OSBPL8: variants seen among roughly 807,000 people sequenced by gnomAD.
The protein encoded by OSBPL8 is oxysterol-binding protein-related protein 8.
A neutral mutation model predicts 125.5 loss-of-function variants in OSBPL8; 59 were observed. The ratio of observed to expected loss-of-function variants is 0.47; its 90% CI spans 0.38 to 0.58. The LOEUF is 0.58. Among genes scored for constraint, OSBPL8 ranks in the 20% least tolerant of loss-of-function variants. The pLI is 0.00. For synonymous variants in OSBPL8, 330 were observed against 338.9 expected, an observed-to-expected ratio of 0.97 and a Z score of 0.29; for missense variants, 758 against 1,047.8, an observed-to-expected ratio of 0.72 and a Z score of 3.82.
At chr12:76,444,674 C>A (rs1872558530) in intron 4 of OSBPL8, among the ~76,000 whole-genome samples, 1 of 152,172 alleles carries the variant, frequency 6.6e-6, no homozygotes, top group Non-Finnish European at 1.5e-5. Context: ...CTCTCAATTG[C>A]TGGTTTCCAC....
intron 1 of OSBPL8, among the ~76,000 whole-genome samples, chr12:76,508,042 G>A (rs1251325193): frequency 6.6e-6 from 1 of 151,548 alleles, no homozygotes; most frequent in African/African-American, 2.4e-5. Flanking sequence ...ATGGTGGCAG[G>A]TGCCTGTTAT....
chr12:76,439,543 T>C (rs926619035), intron 4 of OSBPL8, among the ~76,000 whole-genome samples: 1 of 152,140 alleles, frequency 6.6e-6, no homozygotes, highest in Non-Finnish European at 1.5e-5. Flanking sequence ...GAGAGTGTTT[T>C]TATAATCAAT....
At chr12:76,445,929 A>G (rs939165366) in intron 4 of OSBPL8, among the ~76,000 whole-genome samples, 1 of 152,194 alleles carries the variant, frequency 6.6e-6, no homozygotes, top group African/African-American at 2.4e-5. Flanking sequence ...AAAGTTTGAA[A>G]AATTTGAACC....
At position 76,386,324 on chromosome 12, in the gene OSBPL8, TTAAAC is replaced by T. The variant is rs528634769; in HGVS notation, c.1435-63_1435-59del. ...ACAAATACAAAGGATTCAAAATAGT[TTAAAC>T]TAGTCAAAATGGGTTTAACTCTACC... On this transcript the variant is annotated intron_variant, in intron 13 of 23. Transcript: ENST00000261183. The T allele has an allele frequency of 5.6e-5, 86 of 1,539,680 alleles. No homozygotes were observed. The African/African-American group carries it at 9.8e-4, about 18-fold the overall frequency.
At chr12:76,465,536 G>T (rs1875310643) in intron 2 of OSBPL8, among the ~76,000 whole-genome samples, 1 of 151,556 alleles carries the variant, frequency 6.6e-6, no homozygotes, top group Non-Finnish European at 1.5e-5. Context: ...CTCCAGCCTG[G>T]GCGACAGAGC....
chr12:76,539,629 C>A (rs1233086745), intron 1 of OSBPL8, among the ~76,000 whole-genome samples: 2 of 152,178 alleles, frequency 1.3e-5, no homozygotes, highest in African/African-American at 4.8e-5. Context: ...CCCAAACACT[C>A]TTCAAAGACT....
intron 1 of OSBPL8, among the ~76,000 whole-genome samples, chr12:76,538,335 A>C (rs1950553858): frequency 6.6e-6 from 1 of 152,222 alleles, no homozygotes; most frequent in Non-Finnish European, 1.5e-5. Flanking sequence ...TATATTCACT[A>C]AAAGTATATA....
intron 1 of OSBPL8, among the ~76,000 whole-genome samples, chr12:76,518,521 C>T (rs1339121375): frequency 1.3e-5 from 2 of 152,152 alleles, no homozygotes; most frequent in Non-Finnish European, 2.9e-5. Context: ...CTAGGCAGTG[C>T]CCTAGAGGGG....
intron 1 of OSBPL8, among the ~76,000 whole-genome samples, chr12:76,558,691 GTGT>G (rs1038876083): frequency 5.9e-5 from 9 of 152,226 alleles, no homozygotes; most frequent in Non-Finnish European, 7.3e-5. Context: ...ATAAAGAAGA[GTGT>G]TAAATGACTT....
At chr12:76,477,569 C>T (rs1021748491) in intron 2 of OSBPL8, among the ~76,000 whole-genome samples, 13 of 151,968 alleles carry the variant, frequency 8.6e-5, no homozygotes, top group African/African-American at 2.7e-4. Flanking sequence ...GTCTGACACA[C>T]GGTCATAATC....
intron 2 of OSBPL8, among the ~76,000 whole-genome samples, chr12:76,476,110 G>A (rs1001249095): frequency 1.2e-4 from 18 of 152,062 alleles, no homozygotes; most frequent in African/African-American, 4.3e-4. Flanking sequence ...AAGCAACTGG[G>A]GAAATGAGGT....
At chr12:76,503,621 C>A (rs987292963) in intron 1 of OSBPL8, among the ~76,000 whole-genome samples, 4 of 152,178 alleles carry the variant, frequency 2.6e-5, no homozygotes, top group African/African-American at 9.7e-5. Context: ...TCACTGCAAG[C>A]TCCGCCTCCT....
intron 1 of OSBPL8, chr12:76,537,100 T>C (rs1342218687): frequency 2.0e-5 from 3 of 152,472 alleles, no homozygotes; most frequent in Non-Finnish European, 4.4e-5. Context: ...AAGCAACATA[T>C]GGACTTGCTG....
rs114038688 is a variant in OSBPL8, at chr12:76,399,726, G to A, written c.468+147C>T. 1.1e-3 allele frequency: 584 copies of A among 539,876 alleles called. 2 individuals are homozygous for A. The highest frequency in any genetic ancestry group is 0.011 in the African/African-American group (549 of 51,730). The allele number at this position is 539,876 out of a possible 1,614,324, so 33.4% of individuals were successfully genotyped here. A position where few individuals can be genotyped will look rare whatever the true frequency, so the allele number is the denominator to read the frequency against. ...ATTAAGATGGGAACACAGAACCTCC[G>A]GGAATACAATAATAGTTTCTTTGCC... On this transcript the variant is annotated intron_variant, in intron 7 of 23. Coordinates refer to ENST00000261183, the MANE Select transcript of OSBPL8 (RefSeq NM_020841.5).
At chr12:76,487,021 A>ATTTTTT (rs63178360) in intron 2 of OSBPL8, among the ~76,000 whole-genome samples, 21 of 101,870 alleles carry the variant, frequency 2.1e-4, no homozygotes, top group East Asian at 1.0e-3. Flanking sequence ...TGCAATTTTC[A>ATTTTTT]TTTTTTTTTT....
intron 1 of OSBPL8, among the ~76,000 whole-genome samples, chr12:76,532,683 G>T (rs1212977055): frequency 6.6e-6 from 1 of 151,528 alleles, no homozygotes; most frequent in Admixed American, 6.6e-5. Context: ...ATGCAATCTT[G>T]GTACTCCACG....
chr12:76,455,678 A>G (rs987626372), intron 3 of OSBPL8, among the ~76,000 whole-genome samples: 5 of 152,172 alleles, frequency 3.3e-5, no homozygotes, highest in Non-Finnish European at 5.9e-5. Flanking sequence ...CACCCCATTC[A>G]CAAGCATTAA....
In OSBPL8 at chr12:76,352,960, T is replaced by C. The variant is rs1038346150; in HGVS notation, c.*2929A>G. On this transcript the variant is annotated 3_prime_UTR_variant, in exon 24 of 24. Transcript: ENST00000261183. ...TAAATAGACAAACCCCTATAAAAGA[T>C]AGTATTATTGTTTAAATATACTATA... 1.6e-4 allele frequency: 25 copies of C among 152,432 alleles called. No homozygotes were observed. The highest frequency in any genetic ancestry group is 4.3e-4 in the African/African-American group (18 of 41,436). 9.4% of individuals were successfully genotyped at this position (152,432 alleles called of 1,614,324 possible). A position where few individuals can be genotyped will look rare whatever the true frequency, so the allele number is the denominator to read the frequency against.
chr12:76,395,262 C>T (rs538985699), intron 8 of OSBPL8, among the ~76,000 whole-genome samples: 13 of 152,120 alleles, frequency 8.5e-5, no homozygotes, highest in African/African-American at 2.4e-4. Flanking sequence ...GAAATTCTGT[C>T]GTTGTTGTTG....
Sources: gnomAD v4.1 joint callset for allele counts (sites outside exome capture counted in the v4.1 genomes callset) on GRCh38, gnomAD v4.1.1 for gene constraint, MANE v1.5 for transcripts, NCBI Gene and HGNC (gene_info 2026-07-23, HGNC 2026-07-21) for gene names.